Variants in SH3GL3 observed in about 807,000 individuals in gnomAD.
SH3GL3 encodes endophilin-A3.
SH3GL3 carries 33 observed loss-of-function variants against 47.7 expected under a neutral mutation model. That is an observed-to-expected ratio of 0.69 (90% CI 0.52 to 0.92). The LOEUF is 0.92. Among genes scored for constraint, SH3GL3 ranks in the 40% least tolerant of loss-of-function variants. The pLI, the probability that SH3GL3 is intolerant of heterozygous loss-of-function variation, is 0.00. For synonymous variants in SH3GL3, 155 were observed against 148.8 expected (o/e 1.04, Z -0.30); for missense variants, 363 against 417.8 (o/e 0.87, Z 1.14).
the SH3GL3 span, among the ~76,000 whole-genome samples, chr15:83,632,625 G>A: frequency 2.0e-5 from 3 of 152,320 alleles, no homozygotes; most frequent in Admixed American, 6.5e-5. Context: ...GTGGCAGGAA[G>A]GAGAAGTATG....
intron 1 of SH3GL3, among the ~76,000 whole-genome samples, chr15:83,506,901 C>A (rs2042531242): frequency 6.6e-6 from 1 of 151,860 alleles, no homozygotes; most frequent in African/African-American, 2.4e-5. Flanking sequence ...AGCTCTGCCC[C>A]ATCTGTTTAC....
chr15:83,624,440 C>T, the SH3GL3 span, among the ~76,000 whole-genome samples: 1 of 152,110 alleles, frequency 6.6e-6, no homozygotes, highest in African/African-American at 2.4e-5. Flanking sequence ...GAGCAGGAAG[C>T]GGGGATGAAA....
At chr15:83,609,539 C>G (rs1052630418) in intron 8 of SH3GL3, 2 of 323,074 alleles carry the variant, frequency 6.2e-6, no homozygotes, top group South Asian at 5.0e-5. Flanking sequence ...GTATGAATTA[C>G]TTCTCTCTCC....
chr15:83,469,396 G>A (rs1362049881), intron 1 of SH3GL3, among the ~76,000 whole-genome samples: 1 of 151,844 alleles, frequency 6.6e-6, no homozygotes, highest in Non-Finnish European at 1.5e-5. Flanking sequence ...TCCACACCAG[G>A]TTCTTGAGGG....
At chr15:83,613,238 C>T (rs1891863969) in intron 8 of SH3GL3, among the ~76,000 whole-genome samples, 1 of 152,174 alleles carries the variant, frequency 6.6e-6, no homozygotes, top group Non-Finnish European at 1.5e-5. Context: ...GCTGGAGGGC[C>T]AGGTGCACTT....
intron 8 of SH3GL3, among the ~76,000 whole-genome samples, chr15:83,595,307 C>T (rs1567022917): frequency 2.0e-5 from 3 of 152,084 alleles, no homozygotes; most frequent in Admixed American, 6.5e-5. Context: ...ACATTGAGTA[C>T]ACATGGACAC....
chr15:83,529,691 G>A (rs958703929), intron 1 of SH3GL3, among the ~76,000 whole-genome samples: 30 of 142,008 alleles, frequency 2.1e-4, no homozygotes, highest in African/African-American at 5.5e-4. Context: ...AGATAAGTGC[G>A]CAGCATCCCT....
intron 8 of SH3GL3, among the ~76,000 whole-genome samples, chr15:83,591,806 C>G (rs2060109080): frequency 1.3e-5 from 2 of 152,140 alleles, no homozygotes; most frequent in Non-Finnish European, 2.9e-5. Flanking sequence ...CTGCCTCGGC[C>G]CCCCGAGTAG....
the SH3GL3 span, among the ~76,000 whole-genome samples, chr15:83,633,113 A>G: frequency 2.0e-5 from 3 of 152,226 alleles, no homozygotes; most frequent in African/African-American, 4.8e-5. Context: ...AAATGACACA[A>G]TGTAAATGGA....
intron 1 of SH3GL3, among the ~76,000 whole-genome samples, chr15:83,543,016 T>G (rs994846035): frequency 7.2e-5 from 11 of 152,146 alleles, no homozygotes; most frequent in Non-Finnish European, 4.4e-5. Context: ...AGTACTATGT[T>G]GAATAACAGT....
chr15:83,511,690 G>T (rs2042757839), intron 1 of SH3GL3, among the ~76,000 whole-genome samples: 1 of 152,122 alleles, frequency 6.6e-6, no homozygotes, highest in Non-Finnish European at 1.5e-5. Flanking sequence ...ATCTCAGTCA[G>T]CTGCTTTGTC....
chr15:83,542,349 G>A (rs2044208328), intron 1 of SH3GL3, among the ~76,000 whole-genome samples: 1 of 152,184 alleles, frequency 6.6e-6, no homozygotes, highest in Non-Finnish European at 1.5e-5. Context: ...TTTTATGTCA[G>A]TATCATGCTG....
chr15:83,506,147 C>A (rs1328954583), intron 1 of SH3GL3, among the ~76,000 whole-genome samples: 1 of 152,008 alleles, frequency 6.6e-6, no homozygotes, highest in Non-Finnish European at 1.5e-5. Context: ...CTTTTGAAAT[C>A]CTGTTTAGAA....
At chr15:83,528,280 TA>T (rs370387972) in intron 1 of SH3GL3, among the ~76,000 whole-genome samples, 60 of 152,336 alleles carry the variant, frequency 3.9e-4, no homozygotes, top group African/African-American at 1.4e-3. Context: ...AAGACCTTTT[TA>T]GGTTATATCC....
intron 1 of SH3GL3, among the ~76,000 whole-genome samples, chr15:83,531,007 A>T (rs1194698717): frequency 6.6e-6 from 1 of 152,174 alleles, no homozygotes; most frequent in Non-Finnish European, 1.5e-5. Context: ...TTGCTATCCT[A>T]CAAGATCCAA....
intron 1 of SH3GL3, among the ~76,000 whole-genome samples, chr15:83,459,519 G>A (rs1289995404): frequency 6.6e-6 from 1 of 152,184 alleles, no homozygotes; most frequent in South Asian, 2.1e-4. Context: ...CCTGGTTTCA[G>A]GGATACACTG....
At chr15:83,613,042 T>C (rs1015608133) in intron 8 of SH3GL3, among the ~76,000 whole-genome samples, 9 of 152,208 alleles carry the variant, frequency 5.9e-5, no homozygotes, top group African/African-American at 2.2e-4. Flanking sequence ...AAGCCCCAGC[T>C]CCTTGGGTTG....
At chr15:83,502,461 A>T (rs1330306524) in intron 1 of SH3GL3, among the ~76,000 whole-genome samples, 2 of 152,252 alleles carry the variant, frequency 1.3e-5, no homozygotes, top group African/African-American at 4.8e-5. Flanking sequence ...TTACCCAGGA[A>T]TAGGATGTAA....
At chr15:83,525,351 C>CGTGTGTGT (rs3078536) in intron 1 of SH3GL3, among the ~76,000 whole-genome samples, 13,593 of 147,978 alleles carry the variant, frequency 0.092, 677 homozygotes, top group Admixed American at 0.14. Flanking sequence ...ATTCTTTGTG[C>CGTGTGTGT]GTGTGTGTGT....
Sources: gnomAD v4.1 joint callset for allele counts (sites outside exome capture counted in the v4.1 genomes callset) on GRCh38, gnomAD v4.1.1 for gene constraint, MANE v1.5 for transcripts, NCBI Gene and HGNC (gene_info 2026-07-23, HGNC 2026-07-21) for gene names.